Variants in EPC1 observed in about 807,000 individuals in gnomAD.
EPC1 encodes enhancer of polycomb homolog 1.
Under a neutral mutation model 98.4 loss-of-function variants are expected in EPC1, and 12 were observed. That is an observed-to-expected ratio of 0.12 (90% CI 0.08 to 0.20). The LOEUF (loss-of-function observed/expected upper bound fraction) is 0.20, where lower values mean the gene tolerates loss of function less well. Among genes scored for constraint, EPC1 ranks in the 10% least tolerant of loss-of-function variants. The pLI is 1.00. For synonymous variants in EPC1, 357 were observed against 363.9 expected, an observed-to-expected ratio of 0.98 and a Z score of 0.21; for missense variants, 729 against 990.5, an observed-to-expected ratio of 0.74 and a Z score of 3.54.
chr10:32,350,052 C>A (rs1024167792), upstream of EPC1, among the ~76,000 whole-genome samples: 8 of 152,296 alleles, frequency 5.3e-5, no homozygotes, highest in South Asian at 6.2e-4. Context: ...TTTAAAAATT[C>A]TTTTCTGTTC....
chr10:32,347,227 G>A, upstream of EPC1: 1 of 1,223,026 alleles, frequency 8.2e-7, no homozygotes, highest in East Asian at 3.2e-5. Flanking sequence ...GCGGGCGGGG[G>A]GAGGGAGCGC....
At chr10:32,369,779 A>G (rs2505363) in intron 1 of EPC1, among the ~76,000 whole-genome samples, 147,216 of 152,322 alleles carry the variant, frequency 0.97, 71,314 homozygotes, top group East Asian at 1. Context: ...ACATTAGAGC[A>G]AACTTAAGAG....
At chr10:32,341,394 A>G (rs1838344416) in intron 1 of EPC1, among the ~76,000 whole-genome samples, 1 of 152,170 alleles carries the variant, frequency 6.6e-6, no homozygotes, top group African/African-American at 2.4e-5. Flanking sequence ...GACACAGTAG[A>G]ATGCAAAATA....
intron 2 of EPC1, among the ~76,000 whole-genome samples, chr10:32,297,196 A>G (rs1013202854): frequency 7.9e-5 from 12 of 152,138 alleles, no homozygotes; most frequent in Non-Finnish European, 1.8e-4. Flanking sequence ...AAAGTAAAAA[A>G]AAGGGTCTAA....
At chr10:32,310,488 T>C (rs955097219) in intron 1 of EPC1, among the ~76,000 whole-genome samples, 2 of 152,236 alleles carry the variant, frequency 1.3e-5, no homozygotes, top group Non-Finnish European at 2.9e-5. Flanking sequence ...TCCTCTTGTA[T>C]GAATAGTTCT....
chr10:32,324,618 G>A (rs1235271460), intron 1 of EPC1, among the ~76,000 whole-genome samples: 6 of 151,164 alleles, frequency 4.0e-5, no homozygotes, highest in Non-Finnish European at 7.4e-5. Context: ...TAAAACTTTA[G>A]TTCCAAATTT....
intron 1 of EPC1, among the ~76,000 whole-genome samples, chr10:32,376,282 C>A (rs1011455526): frequency 1.3e-5 from 2 of 151,918 alleles, no homozygotes; most frequent in Non-Finnish European, 2.9e-5. Context: ...AAGGGGGCTA[C>A]CTTATATACA....
intron 1 of EPC1, among the ~76,000 whole-genome samples, chr10:32,309,258 T>G (rs1218471574): frequency 6.6e-6 from 1 of 152,098 alleles, no homozygotes; most frequent in South Asian, 2.1e-4. Flanking sequence ...TTACATATTT[T>G]AAAATAACTA....
intron 6 of EPC1, among the ~76,000 whole-genome samples, chr10:32,287,685 A>G (rs1296690134): frequency 6.6e-6 from 1 of 152,178 alleles, no homozygotes; most frequent in Non-Finnish European, 1.5e-5. Context: ...TAGGACAAAT[A>G]ATAATGAAAA....
chr10:32,340,928 AT>A, intron 1 of EPC1, among the ~76,000 whole-genome samples: 2 of 84,958 alleles, frequency 2.4e-5, no homozygotes, highest in East Asian at 4.1e-4. Flanking sequence ...CCAAAAAGTT[AT>A]TGTTATCAAT....
intron 2 of EPC1, among the ~76,000 whole-genome samples, chr10:32,303,541 G>C (rs1165225841): frequency 6.6e-6 from 1 of 152,144 alleles, no homozygotes; most frequent in African/African-American, 2.4e-5. Flanking sequence ...GTGAAAAAAA[G>C]CCAACCTCAA....
chr10:32,339,287 TAC>T (rs1838180977), intron 1 of EPC1, among the ~76,000 whole-genome samples: 1 of 152,212 alleles, frequency 6.6e-6, no homozygotes, highest in Non-Finnish European at 1.5e-5. Flanking sequence ...TACTGCATCT[TAC>T]AGTCAAGAAA....
At chr10:32,294,956 C>T (rs1484358343) in intron 2 of EPC1, among the ~76,000 whole-genome samples, 3 of 151,984 alleles carry the variant, frequency 2.0e-5, no homozygotes, top group Non-Finnish European at 2.9e-5. Context: ...TTCTGCTTGC[C>T]CACCAAGGAG....
intron 10 of EPC1, chr10:32,284,487 T>C (rs1388662867): frequency 4.6e-6 from 2 of 431,516 alleles, no homozygotes; most frequent in Non-Finnish European, 8.1e-6. Flanking sequence ...TAAACCATCT[T>C]TGTATGCAGG....
At chr10:32,330,349 A>T (rs1837568442) in intron 1 of EPC1, among the ~76,000 whole-genome samples, 1 of 152,220 alleles carries the variant, frequency 6.6e-6, no homozygotes, top group African/African-American at 2.4e-5. Context: ...CCTTCATCCT[A>T]GTTCTCCAAT....
intron 1 of EPC1, among the ~76,000 whole-genome samples, chr10:32,370,032 G>C (rs554287333): frequency 1.3e-5 from 2 of 152,218 alleles, no homozygotes; most frequent in Non-Finnish European, 2.9e-5. Context: ...AAGCATAATG[G>C]AGAACTACTA....
chr10:32,297,583 G>C (rs772646150), intron 2 of EPC1, among the ~76,000 whole-genome samples: 28 of 149,032 alleles, frequency 1.9e-4, no homozygotes, highest in Non-Finnish European at 3.6e-4. Flanking sequence ...CATCGCAACT[G>C]GCCTATAATT....
chr10:32,302,442 G>GT lies in EPC1; in HGVS notation c.313+3329dup, dbSNP rs1414515358. Among the ~76,000 whole-genome samples the GT allele has an allele frequency of 5.9e-5, 9 of 151,688 alleles. No individual in the cohort carries two copies. The East Asian group carries it at 9.8e-4, about 16-fold the overall frequency. On this transcript the variant is annotated intron_variant, in intron 2 of 13. Transcript: ENST00000319778. ...GCGGGTGGATCACCTCAGGTCAGGAGTTTGAGACCAGCCTGGCCAACTTGG... is the reference window on the plus strand; with the variant it reads ...GCGGGTGGATCACCTCAGGTCAGGAGTTTTGAGACCAGCCTGGCCAACTTGG...
chr10:32,276,922 CAA>C (rs1836133984), intron 10 of EPC1, among the ~76,000 whole-genome samples: 1 of 152,080 alleles, frequency 6.6e-6, no homozygotes, highest in African/African-American at 2.4e-5. Context: ...GACAGATGAC[CAA>C]ACCTACAGTC....
Sources: allele counts gnomAD v4.1 joint callset (sites outside exome capture counted in the v4.1 genomes callset), GRCh38; gene constraint gnomAD v4.1.1; transcripts MANE v1.5; gene names NCBI Gene and HGNC (gene_info 2026-07-23, HGNC 2026-07-21).